Variants in NAA35 observed in about 807,000 individuals in gnomAD.
The protein encoded by NAA35 is N-alpha-acetyltransferase 35, NatC auxiliary subunit, also known as MAK10 homolog, amino-acid N-acetyltransferase subunit.
NAA35 carries 18 observed loss-of-function variants against 101.7 expected under a neutral mutation model. The ratio of observed to expected loss-of-function variants is 0.18; its 90% CI spans 0.12 to 0.26. NAA35 has a LOEUF of 0.26. NAA35 is among the 10% of genes least tolerant of loss of function. The pLI, the probability that NAA35 is intolerant of heterozygous loss-of-function variation, is 1.00. For synonymous variants in NAA35, 267 were observed against 273.1 expected, an observed-to-expected ratio of 0.98 and a Z score of 0.22; for missense variants, 601 against 886.8, an observed-to-expected ratio of 0.68 and a Z score of 4.09.
At chr9:86,010,869 G>A (rs747912888) in intron 15 of NAA35, among the ~76,000 whole-genome samples, 1 of 151,050 alleles carries the variant, frequency 6.6e-6, no homozygotes, top group Non-Finnish European at 1.5e-5. Context: ...GAGCCACCGC[G>A]CCTGGCCTAA....
intron 2 of NAA35, among the ~76,000 whole-genome samples, chr9:85,943,568 C>T (rs745563016): frequency 9.9e-5 from 15 of 151,998 alleles, no homozygotes; most frequent in Non-Finnish European, 1.9e-4. Context: ...CTTTTTATAG[C>T]CTCAGTGAGA....
At chr9:86,020,736 TAGG>T (rs1216347142) in intron 21 of NAA35, among the ~76,000 whole-genome samples, 150 bp from the exon 22 acceptor site, 1 of 152,056 alleles carries the variant, frequency 6.6e-6, no homozygotes, top group Non-Finnish European at 1.5e-5. Context: ...GAGGCTGAAG[TAGG>T]AGGATTGCCT....
chr9:85,997,431 T>A (rs1021950994), intron 12 of NAA35, among the ~76,000 whole-genome samples: 2 of 151,164 alleles, frequency 1.3e-5, no homozygotes, highest in Non-Finnish European at 3.0e-5. Flanking sequence ...AACCTCCGCC[T>A]GCCAGACTCA....
chr9:86,011,966 GTATATAA>G (rs200400575), intron 15 of NAA35, among the ~76,000 whole-genome samples: 3,702 of 137,960 alleles, frequency 0.027, 81 homozygotes, highest in East Asian at 0.055. Context: ...AATATATAAT[GTATATAA>G]TATATAATAT....
intron 16 of NAA35, 52 bp from the exon 17 acceptor site, chr9:86,013,667 A>T: frequency 6.5e-7 from 1 of 1,531,010 alleles, no homozygotes; most frequent in African/African-American, 1.4e-5. Context: ...AAGTTCTGTC[A>T]TTACCTTAAG....
chr9:85,993,664 C>T (rs759946289), intron 11 of NAA35, among the ~76,000 whole-genome samples: 10 of 152,146 alleles, frequency 6.6e-5, no homozygotes, highest in East Asian at 1.9e-4. Flanking sequence ...ATGTGAATTG[C>T]GCCTCAATAA....
intron 10 of NAA35, among the ~76,000 whole-genome samples, 173 bp from the exon 11 acceptor site, chr9:85,978,094 C>G (rs895017403): frequency 6.6e-6 from 1 of 151,742 alleles, no homozygotes; most frequent in Non-Finnish European, 1.5e-5. Flanking sequence ...AGTAAAAAAA[C>G]CATTTTCTAT....
At chr9:86,003,341 A>G (rs1196281488) in intron 12 of NAA35, among the ~76,000 whole-genome samples, 3 of 152,234 alleles carry the variant, frequency 2.0e-5, no homozygotes, top group Admixed American at 6.5e-5. Context: ...CAAATTTAAT[A>G]TTGGTATCCA....
At chr9:85,955,375 T>TTC (rs1829225075) in intron 2 of NAA35, among the ~76,000 whole-genome samples, 1 of 133,996 alleles carries the variant, frequency 7.5e-6, no homozygotes, top group African/African-American at 2.8e-5. Context: ...TTTTTTTTTT[T>TTC]TTCTTCAGAC....
rs114510160 is a variant in NAA35 at position 85,947,713 on chromosome 9, C to T, written c.124+5430C>T. Among the ~76,000 whole-genome samples the T allele has an allele frequency of 5.0e-3, 762 of 152,234 alleles. 4 individuals are homozygous for T. The highest frequency in any genetic ancestry group is 0.018 in the African/African-American group (728 of 41,520). The stretch of plus-strand genomic sequence containing the variant: ...TCATTCAATTCAACACACAGGGCAG[C>T]CCCCACAAACAAATAATTATCCTCC... On this transcript the variant is annotated intron_variant, in intron 2 of 22. Transcript: ENST00000361671.
chr9:85,952,297 T>C (rs550569486), intron 2 of NAA35, among the ~76,000 whole-genome samples: 57 of 151,822 alleles, frequency 3.8e-4, no homozygotes, highest in African/African-American at 1.4e-3. Context: ...TGTTTTTTTT[T>C]TTTTTGAGAC....
At chr9:86,020,703 T>C (rs1832493370) in intron 21 of NAA35, among the ~76,000 whole-genome samples, 186 bp from the exon 22 acceptor site, 1 of 152,098 alleles carries the variant, frequency 6.6e-6, no homozygotes, top group African/African-American at 2.4e-5. Flanking sequence ...ATGAGCTGGG[T>C]GTGGTGGTGC....
rs1832737089 is a variant in NAA35 at position 86,025,281 on chromosome 9, G to A, written c.*3321G>A. Among the ~76,000 whole-genome samples the A allele has an allele frequency of 6.6e-6, 1 of 152,162 alleles. No individual in the cohort carries two copies. The highest frequency in any genetic ancestry group is 2.1e-4 in the South Asian group (1 of 4,830). ...GACTGAAAAGAGCCCATTGAACTTGGCAAGTAAAGATTGCTGGCGACTGGG... is the reference window on the plus strand; with the variant it reads ...GACTGAAAAGAGCCCATTGAACTTGACAAGTAAAGATTGCTGGCGACTGGG... On this transcript the variant is annotated 3_prime_UTR_variant, in exon 23 of 23. Coordinates refer to ENST00000361671, the MANE Select transcript of NAA35 (RefSeq NM_024635.4).
At chr9:85,992,277 A>G (rs1332822782) in intron 11 of NAA35, among the ~76,000 whole-genome samples, 4 of 152,164 alleles carry the variant, frequency 2.6e-5, no homozygotes, top group Non-Finnish European at 5.9e-5. Flanking sequence ...AAAATTAGCA[A>G]AAACTTAAGC....
intron 21 of NAA35, 122 bp downstream of exon 21, chr9:86,018,943 G>A (rs1361945245): frequency 2.7e-5 from 34 of 1,257,134 alleles, no homozygotes; most frequent in Non-Finnish European, 3.2e-5. Flanking sequence ...AACTTGGCGT[G>A]TTTCTGCGAA....
intron 2 of NAA35, among the ~76,000 whole-genome samples, chr9:85,949,757 A>AG (rs2118278983): frequency 1.3e-5 from 2 of 151,924 alleles, no homozygotes; most frequent in South Asian, 4.2e-4. Context: ...GAATGGTGTA[A>AG]GCTGTATACT....
chr9:85,998,365 A>T (rs1365629362), intron 12 of NAA35, among the ~76,000 whole-genome samples: 1 of 152,174 alleles, frequency 6.6e-6, no homozygotes, highest in African/African-American at 2.4e-5. Flanking sequence ...GCTGTGTGGT[A>T]TTCCATTTTA....
chr9:86,018,934 A>G, intron 21 of NAA35, 113 bp downstream of exon 21: 1 of 1,327,340 alleles, frequency 7.5e-7, no homozygotes, highest in Non-Finnish European at 1.0e-6. Flanking sequence ...AGTGAATAGA[A>G]CTTGGCGTGT....
At chr9:85,966,928 G>A (rs1382762015) in intron 6 of NAA35, among the ~76,000 whole-genome samples, 2 of 152,204 alleles carry the variant, frequency 1.3e-5, no homozygotes, top group South Asian at 2.1e-4. Flanking sequence ...CCAACATGGC[G>A]AAACCCCGTC....
Sources: gnomAD v4.1 joint callset for allele counts (sites outside exome capture counted in the v4.1 genomes callset) on GRCh38, gnomAD v4.1.1 for gene constraint, MANE v1.5 for transcripts, NCBI Gene and HGNC (gene_info 2026-07-23, HGNC 2026-07-21) for gene names.